Variants in ZRANB1 observed in about 807,000 individuals in gnomAD.
ZRANB1 encodes zinc finger RANBP2-type containing 1.
A neutral mutation model predicts 80.5 loss-of-function variants in ZRANB1; 16 were observed. That is an observed-to-expected ratio of 0.20 (90% CI 0.13 to 0.30). The LOEUF (loss-of-function observed/expected upper bound fraction) is 0.30, where lower values mean the gene tolerates loss of function less well. Ranked by LOEUF, ZRANB1 falls within the 10% of genes least tolerant of loss-of-function variation. The pLI is 1.00. For missense variants in ZRANB1, 576 were observed against 862.6 expected (o/e 0.67, Z 4.16); for synonymous variants, 291 against 293.1 (o/e 0.99, Z 0.07).
intron 5 of ZRANB1, among the ~76,000 whole-genome samples, chr10:124,978,689 G>A (rs1046548726): frequency 2.0e-5 from 3 of 151,894 alleles, no homozygotes; most frequent in Admixed American, 6.6e-5. Flanking sequence ...GCAGTGGTGC[G>A]ATCTTGGCTC....
chr10:124,985,920 C>T lies in ZRANB1; in HGVS notation c.*928C>T, dbSNP rs1465883832. ...TTCCTTCTATCACCTCTGCTCTAAG[C>T]AAATCTTGTTAGAAGGGCATGCCTT... On this transcript the variant is annotated 3_prime_UTR_variant, in exon 9 of 9. Transcript: ENST00000359653. 1 of 152,156 alleles carries T rather than the reference C, an allele frequency of 6.6e-6. No homozygotes were observed. Among genetic ancestry groups the T allele is most frequent in the Non-Finnish European group, 1.5e-5 (1 of 68,040 alleles). 9.4% of individuals were successfully genotyped at this position (152,156 alleles called of 1,614,324 possible). A position where few individuals can be genotyped will look rare whatever the true frequency, so the allele number is the denominator to read the frequency against.
At chr10:124,969,973 C>T (rs1417726590) in intron 2 of ZRANB1, among the ~76,000 whole-genome samples, 4 of 152,132 alleles carry the variant, frequency 2.6e-5, no homozygotes, top group Admixed American at 6.5e-5. Context: ...AGTCAGGGTC[C>T]AGTCCAGGTG....
At chr10:124,981,299 T>C (rs1486737256) in intron 5 of ZRANB1, 2 of 153,158 alleles carry the variant, frequency 1.3e-5, no homozygotes, top group African/African-American at 4.8e-5. Context: ...CACGGAATAT[T>C]TCCCACCTGT....
chr10:124,918,266 C>T, the ZRANB1 span, among the ~76,000 whole-genome samples: 3 of 152,324 alleles, frequency 2.0e-5, no homozygotes, highest in East Asian at 5.8e-4. Flanking sequence ...TCTCGGCTCA[C>T]CGCAACCTCC....
chr10:124,938,054 T>C (rs1199624044), upstream of ZRANB1, among the ~76,000 whole-genome samples: 1 of 152,250 alleles, frequency 6.6e-6, no homozygotes, highest in Non-Finnish European at 1.5e-5. Context: ...ATTAAACTTG[T>C]AAACTAAATT....
At chr10:124,928,292 G>A in the ZRANB1 span, among the ~76,000 whole-genome samples, 19,082 of 152,018 alleles carry the variant, frequency 0.13, 1,265 homozygotes, top group East Asian at 0.21. Flanking sequence ...CGAAGCATGC[G>A]GATGAGGTTG....
chr10:124,981,881 C>G, intron 6 of ZRANB1, 52 bp downstream of exon 6: 1 of 1,602,940 alleles, frequency 6.2e-7, no homozygotes, highest in South Asian at 1.1e-5. Context: ...AGCATGTAGT[C>G]TAAACTGGTT....
intron 5 of ZRANB1, among the ~76,000 whole-genome samples, chr10:124,980,238 G>A (rs1314481898): frequency 6.6e-6 from 1 of 152,158 alleles, no homozygotes; most frequent in Non-Finnish European, 1.5e-5. Context: ...TGCTGGATTT[G>A]GTTTGCTTGT....
At chr10:124,930,263 T>TTTCC in the ZRANB1 span, among the ~76,000 whole-genome samples, 1 of 152,116 alleles carries the variant, frequency 6.6e-6, no homozygotes, top group South Asian at 2.1e-4. Flanking sequence ...CCTTCCTTCC[T>TTTCC]TTCCTTCTGT....
the ZRANB1 span, among the ~76,000 whole-genome samples, chr10:124,926,034 G>A: frequency 1.3e-5 from 2 of 152,140 alleles, no homozygotes; most frequent in African/African-American, 4.8e-5. Flanking sequence ...CTAACACAAA[G>A]ATAAGTATTC....
intron 2 of ZRANB1, among the ~76,000 whole-genome samples, chr10:124,970,275 T>G (rs1951811100): frequency 6.6e-6 from 1 of 152,158 alleles, no homozygotes; most frequent in Admixed American, 6.5e-5. Flanking sequence ...TTTTATTTTT[T>G]TCTTTTCTTT....
intron 1 of ZRANB1, among the ~76,000 whole-genome samples, chr10:124,961,394 C>T (rs1432949889): frequency 1.3e-5 from 2 of 152,212 alleles, no homozygotes; most frequent in Non-Finnish European, 2.9e-5. Flanking sequence ...AACTCATGTT[C>T]ATCTGTTTCA....
At chr10:124,973,618 T>A in intron 3 of ZRANB1, 27 bp from the exon 4 acceptor site, 2 of 1,589,652 alleles carry the variant, frequency 1.3e-6, no homozygotes, top group South Asian at 2.3e-5. Context: ...AAACAAAAGA[T>A]CTTTTAAGTT....
chr10:124,983,123 G>A lies in ZRANB1; in HGVS notation c.1549-52G>A. On this transcript the variant is annotated intron_variant, in intron 6 of 8. Coordinates refer to ENST00000359653, the MANE Select transcript of ZRANB1 (RefSeq NM_017580.3). This position sits in a 1 kb window ranked among gnomAD's most constrained non-coding sequence, Gnocchi z 6.2. ...AGGTAGTATTGTTTTTTACACATCA[G>A]TTTTCCAGGAGTGGTAATAAATGTT... The A allele has an allele frequency of 6.4e-7, 1 of 1,566,182 alleles. No homozygotes were observed. Among genetic ancestry groups the A allele is most frequent in the Non-Finnish European group, 8.6e-7 (1 of 1,157,694 alleles).
chr10:124,952,116 T>C (rs1951643624), intron 1 of ZRANB1, among the ~76,000 whole-genome samples: 1 of 152,120 alleles, frequency 6.6e-6, no homozygotes, highest in African/African-American at 2.4e-5. Flanking sequence ...ATGACCAATA[T>C]AAATAGAGTG....
intron 3 of ZRANB1, among the ~76,000 whole-genome samples, chr10:124,972,798 A>G (rs1481606047): frequency 1.3e-5 from 2 of 151,524 alleles, no homozygotes; most frequent in African/African-American, 2.4e-5. Flanking sequence ...TTTAGATTGA[A>G]ACGGGGTCTT....
Position 124,942,304 on chromosome 10 carries a change from T to TA in ZRANB1, c.-184dup. On this transcript the variant is annotated 5_prime_UTR_variant, in exon 1 of 9. An upstream open reading frame in the 5' UTR loses its in-frame stop. Transcript: ENST00000359653. ...TTATCTCCAGTGTTTCTATGGAAAT[T>TA]AAAAAAGAAAATTAGGATAATTCAA... is the stretch of plus-strand genomic sequence containing the variant. The TA allele has an allele frequency of 7.1e-7, 1 of 1,409,556 alleles. No individual in the cohort carries two copies. 87.3% of individuals were successfully genotyped at this position (1,409,556 alleles called of 1,614,324 possible).
In ZRANB1 at chr10:124,974,416, CCT is replaced by C. The variant is rs765715928; in HGVS notation, c.1427+19_1427+20del. Reference sequence around the variant, plus strand: ...TCACATTGGTGAGCTGGCATTCTGCCCTGTTTCAACCCAGGAGTGCATTTGCT... The same window carrying C: ...TCACATTGGTGAGCTGGCATTCTGCCGTTTCAACCCAGGAGTGCATTTGCT... On this transcript the variant is annotated intron_variant, in intron 5 of 8. Coordinates refer to ENST00000359653, the MANE Select transcript of ZRANB1 (RefSeq NM_017580.3). The C allele has an allele frequency of 1.5e-5, 25 of 1,613,676 alleles. No individual in the cohort carries two copies. Among genetic ancestry groups the C allele is most frequent in the African/African-American group, 2.7e-5 (2 of 74,920 alleles).
At chr10:124,963,152 G>A (rs916797321) in intron 1 of ZRANB1, among the ~76,000 whole-genome samples, 4 of 151,564 alleles carry the variant, frequency 2.6e-5, no homozygotes, top group African/African-American at 9.7e-5. Context: ...AGTAGTCCCA[G>A]CTGCTCAGGA....
Sources: allele counts gnomAD v4.1 joint callset (sites outside exome capture counted in the v4.1 genomes callset), GRCh38; gene constraint gnomAD v4.1.1; non-coding constraint Gnocchi (gnomAD v3.1); transcripts MANE v1.5; gene names NCBI Gene and HGNC (gene_info 2026-07-23, HGNC 2026-07-21).